Variants in ASTN2 observed in about 807,000 individuals in gnomAD.
ASTN2 encodes the protein astrotactin 2, also known as astrotactin-2.
ASTN2 carries 54 observed loss-of-function variants against 139.8 expected under a neutral mutation model. That is an observed-to-expected ratio of 0.39 (90% CI 0.31 to 0.48). ASTN2 has a LOEUF of 0.48. ASTN2 is among the 20% of genes least tolerant of loss of function. The probability of loss-of-function intolerance (pLI) is 0.95; values close to 1 mark genes in which losing one functional copy is unlikely to be tolerated. For missense variants in ASTN2, 1,565 were observed against 1,725.1 expected (o/e 0.91, Z 1.64); for synonymous variants, 756 against 719.5 (o/e 1.05, Z -0.81).
At chr9:117,166,768 T>C (rs1830679346) in intron 3 of ASTN2, among the ~76,000 whole-genome samples, 1 of 152,080 alleles carries the variant, frequency 6.6e-6, no homozygotes. Context: ...CATACTCTTA[T>C]TATTCAGTAT....
At chr9:116,485,481 C>T (rs1849308694) in intron 20 of ASTN2, among the ~76,000 whole-genome samples, 1 of 152,190 alleles carries the variant, frequency 6.6e-6, no homozygotes. Flanking sequence ...TTAATGTAGT[C>T]ACATACTTGT....
intron 12 of ASTN2, among the ~76,000 whole-genome samples, chr9:116,815,718 T>G (rs1008551025): frequency 2.8e-5 from 4 of 142,152 alleles, no homozygotes; most frequent in African/African-American, 5.2e-5. Flanking sequence ...GGCAGGAGAA[T>G]GGCCTGAACC....
intron 13 of ASTN2, among the ~76,000 whole-genome samples, chr9:116,777,122 T>C (rs1830104070): frequency 6.6e-6 from 1 of 152,132 alleles, no homozygotes; most frequent in African/African-American, 2.4e-5. Flanking sequence ...GGTTGGACAA[T>C]GGAGCCAATA....
At chr9:117,300,054 A>C (rs986854032) in intron 1 of ASTN2, among the ~76,000 whole-genome samples, 2 of 152,220 alleles carry the variant, frequency 1.3e-5, no homozygotes, top group Admixed American at 1.3e-4. Context: ...CATGCTTGGA[A>C]ATCTGCAAAG....
At chr9:116,726,064 C>T (rs1828613766) in intron 15 of ASTN2, 114 bp from the exon 16 acceptor site, 1 of 964,270 alleles carries the variant, frequency 1.0e-6, no homozygotes, top group Non-Finnish European at 1.5e-6. Context: ...CCCCTCAGCA[C>T]AGTGGCAGCT....
chr9:116,979,968 C>T (rs1189493409), intron 7 of ASTN2, among the ~76,000 whole-genome samples: 1 of 152,186 alleles, frequency 6.6e-6, no homozygotes, highest in East Asian at 1.9e-4. Flanking sequence ...TTCCCTGACT[C>T]AGAATGGATC....
chr9:116,565,089 C>G (rs1480904890), intron 19 of ASTN2, among the ~76,000 whole-genome samples: 1 of 151,944 alleles, frequency 6.6e-6, no homozygotes, highest in East Asian at 1.9e-4. Context: ...ATTTTCTAGT[C>G]TATTTCATAT....
chr9:117,385,035 A>T (rs1297999852), intron 1 of ASTN2, among the ~76,000 whole-genome samples: 1 of 152,180 alleles, frequency 6.6e-6, no homozygotes. Context: ...GAGTACCCAT[A>T]ATGATGAACT....
intron 4 of ASTN2, among the ~76,000 whole-genome samples, chr9:117,135,903 G>A (rs1268769578): frequency 6.6e-6 from 1 of 152,158 alleles, no homozygotes; most frequent in Non-Finnish European, 1.5e-5. Context: ...TGGCCCATGT[G>A]CTGGAGGCTG....
At chr9:116,532,698 T>C (rs1851410219) in intron 19 of ASTN2, among the ~76,000 whole-genome samples, 1 of 152,202 alleles carries the variant, frequency 6.6e-6, no homozygotes, top group African/African-American at 2.4e-5. Flanking sequence ...TTCTGAGGGC[T>C]CTGTTCTGTT....
chr9:116,770,483 G>T (rs1039046297), intron 13 of ASTN2, among the ~76,000 whole-genome samples: 1 of 152,108 alleles, frequency 6.6e-6, no homozygotes, highest in Admixed American at 6.5e-5. Flanking sequence ...TTCATCCTGA[G>T]AAACCCAGGT....
At position 117,267,763 on chromosome 9, in the gene ASTN2, G is replaced by T. The variant is rs138428642; in HGVS notation, c.630+23563C>A. Among the ~76,000 whole-genome samples, 93 of 152,286 alleles carry T rather than the reference G, an allele frequency of 6.1e-4. No homozygotes were observed. In the South Asian group the frequency reaches 0.016, roughly 25 times the overall value. ...TGTTGATACCTTTGCCTCTCAGGGC[G>T]CAGTTTCTCCAACAGTTTCATGATG... On this transcript the variant is annotated intron_variant, in intron 2 of 22. Transcript: ENST00000313400.
chr9:116,883,677 A>G (rs1321951435), intron 10 of ASTN2, among the ~76,000 whole-genome samples: 1 of 152,174 alleles, frequency 6.6e-6, no homozygotes. Flanking sequence ...GCAGAAATCA[A>G]TTGTTCATAA....
chr9:116,511,362 C>A (rs553643732), intron 19 of ASTN2, among the ~76,000 whole-genome samples: 10 of 152,282 alleles, frequency 6.6e-5, no homozygotes, highest in African/African-American at 2.4e-4. Flanking sequence ...CCCACTTGAT[C>A]ATGGTGGATA....
intron 17 of ASTN2, among the ~76,000 whole-genome samples, chr9:116,645,889 T>C (rs1857565228): frequency 6.6e-6 from 1 of 152,198 alleles, no homozygotes; most frequent in Non-Finnish European, 1.5e-5. Context: ...AGTTTTCAAG[T>C]ACTATCTAGA....
At chr9:117,113,002 G>T (rs1829286634) in intron 4 of ASTN2, among the ~76,000 whole-genome samples, 1 of 152,108 alleles carries the variant, frequency 6.6e-6, no homozygotes, top group Non-Finnish European at 1.5e-5. Context: ...AACCTCTTTA[G>T]TCATCAGGGA....
chr9:116,686,728 G>T, intron 16 of ASTN2: 1 of 1,550,550 alleles, frequency 6.4e-7, no homozygotes, highest in South Asian at 1.2e-5. Flanking sequence ...GCTGCAGAGT[G>T]TACTCCCCAA....
intron 16 of ASTN2, among the ~76,000 whole-genome samples, chr9:116,686,125 A>G (rs1366371469): frequency 6.6e-6 from 1 of 152,210 alleles, no homozygotes; most frequent in African/African-American, 2.4e-5. Flanking sequence ...TCTTCATGGC[A>G]AACTTCAATT....
intron 19 of ASTN2, among the ~76,000 whole-genome samples, chr9:116,535,050 T>C (rs1192442670): frequency 1.3e-5 from 2 of 152,216 alleles, no homozygotes; most frequent in Non-Finnish European, 2.9e-5. Flanking sequence ...TGCTCCTGTA[T>C]TGGGTGCATG....
Sources: gnomAD v4.1 joint callset for allele counts (sites outside exome capture counted in the v4.1 genomes callset) on GRCh38, gnomAD v4.1.1 for gene constraint, MANE v1.5 for transcripts, NCBI Gene and HGNC (gene_info 2026-07-23, HGNC 2026-07-21) for gene names.